TEX14: variants seen among roughly 807,000 people sequenced by gnomAD.
TEX14 encodes inactive serine/threonine-protein kinase TEX14.
Under a neutral mutation model 178.6 loss-of-function variants are expected in TEX14, and 168 were observed. That is an observed-to-expected ratio of 0.94 (90% CI 0.83 to 1.07). The LOEUF (loss-of-function observed/expected upper bound fraction) is 1.07. Ranked by LOEUF, TEX14 falls within the 50% of genes least tolerant of loss-of-function variation. The pLI is 0.00. For synonymous variants in TEX14, 626 were observed against 634.1 expected (o/e 0.99, Z 0.19); for missense variants, 1,730 against 1,753.6 (o/e 0.99, Z 0.24).
chr17:58,557,962 A>G (rs570064013), intron 30 of TEX14, 112 bp from the exon 31 acceptor site: 224 of 725,354 alleles, frequency 3.1e-4, no homozygotes, highest in Non-Finnish European at 4.2e-4. Flanking sequence ...TTTTACCTAC[A>G]ATGGTTGTTA....
intron 4 of TEX14, 67 bp from the exon 5 acceptor site, chr17:58,621,853 T>G: frequency 6.6e-7 from 1 of 1,521,640 alleles, no homozygotes; most frequent in Non-Finnish European, 8.9e-7. Flanking sequence ...AGCTTGGGTA[T>G]GAAGATAAGT....
Position 58,621,656 on chromosome 17 carries a change from A to C in TEX14, c.548T>G (p.Val183Gly), listed in dbSNP as rs766160604. Residue 183 changes from valine (V) to glycine (G), a missense_variant, in exon 5 of 32, where the codon GTG becomes GGG. Val to Gly is a moderately radical substitution (Grantham distance 109). Coordinates refer to ENST00000349033, the MANE Select transcript of TEX14 (RefSeq NM_031272.5). ...VYSPSWCGGL[V>G]QGNPNGSPNR... is the part of the protein sequence containing the mutation. ...TGCTCAAGGCAGTACTCACCCCTGC[A>C]CGAGGCCCCCACACCAGGACGGGCT... 1 of 1,613,520 alleles carries C rather than the reference A, an allele frequency of 6.2e-7. No individual in the cohort carries two copies. Among genetic ancestry groups the C allele is most frequent in the East Asian group, 2.2e-5 (1 of 44,866 alleles).
At chr17:58,635,422 T>TTC (rs890468210) in intron 2 of TEX14, among the ~76,000 whole-genome samples, 1 of 149,082 alleles carries the variant, frequency 6.7e-6, no homozygotes, top group African/African-American at 2.5e-5. Context: ...CTCCAAGGGC[T>TTC]TCTCTCTTTT....
chr17:58,574,675 CAAAAAAAAAAA>C (rs1177255314), intron 21 of TEX14, among the ~76,000 whole-genome samples: 17 of 43,886 alleles, frequency 3.9e-4, no homozygotes, highest in African/African-American at 5.2e-4. Context: ...ACTCCATCTC[CAAAAAAAAAAA>C]AAAAAAAAAA....
At chr17:58,598,372 G>C (rs149001012) in intron 14 of TEX14, among the ~76,000 whole-genome samples, 1 of 151,564 alleles carries the variant, frequency 6.6e-6, no homozygotes, top group African/African-American at 2.4e-5. Flanking sequence ...CTCTATAGCT[G>C]TTTGTTGAAT....
rs747248400 is a variant in TEX14 at position 58,599,436 on chromosome 17, C to T, written c.1909G>A (p.Glu637Lys). Residue 637 changes from glutamate to lysine, a missense_variant, in exon 14 of 32, where the codon GAA becomes AAA. By Grantham distance (56) the Glu-to-Lys change is moderately conservative (BLOSUM62 1). This residue lies in a region of TEX14 where 941 missense variants were observed against 1,072.4 expected (regional missense o/e 0.88). Coordinates refer to ENST00000349033, the MANE Select transcript of TEX14 (RefSeq NM_031272.5). ...GATGAAGCAGCTCCTGGAGGCTCTT[C>T]TATGTCATCTTCCAAAATCAAGCAG... ...SGCLILEDDI[E>K]EPPGAASSLE... The T allele has an allele frequency of 1.9e-6, 3 of 1,614,178 alleles. No individual in the cohort carries two copies. The highest frequency in any genetic ancestry group is 2.5e-6 in the Non-Finnish European group (3 of 1,180,026).
intron 2 of TEX14, chr17:58,631,654 C>T (rs1025003605): frequency 7.3e-5 from 11 of 151,700 alleles, no homozygotes; most frequent in Admixed American, 1.3e-4. Context: ...ACTCAGACTG[C>T]CTTCTCTAGA....
intron 13 of TEX14, among the ~76,000 whole-genome samples, chr17:58,600,502 A>G (rs1005242157): frequency 1.3e-5 from 2 of 151,668 alleles, no homozygotes; most frequent in Non-Finnish European, 2.9e-5. Flanking sequence ...CAGAGGTTGC[A>G]GTAAACCGAG....
chr17:58,590,534 TTTG>T (rs76273680), intron 15 of TEX14, among the ~76,000 whole-genome samples: 5,600 of 149,400 alleles, frequency 0.037, 131 homozygotes, highest in African/African-American at 0.076. Flanking sequence ...TCCAACTATT[TTTG>T]TTGTTGTTGT....
At chr17:58,667,027 T>C (rs1189713840) in intron 1 of TEX14, among the ~76,000 whole-genome samples, 6 of 152,242 alleles carry the variant, frequency 3.9e-5, no homozygotes, top group African/African-American at 1.2e-4. Context: ...AAGTGACGTC[T>C]GTCAGGCCAT....
At chr17:58,611,613 G>A (rs1393632750) in intron 9 of TEX14, among the ~76,000 whole-genome samples, 1 of 152,216 alleles carries the variant, frequency 6.6e-6, no homozygotes, top group African/African-American at 2.4e-5. Flanking sequence ...TCTGGTATGT[G>A]CATCCAGGAT....
chr17:58,632,162 C>G (rs746138663), intron 2 of TEX14, among the ~76,000 whole-genome samples: 1 of 152,248 alleles, frequency 6.6e-6, no homozygotes, highest in African/African-American at 2.4e-5. Flanking sequence ...GGAAACTGCC[C>G]GGTTTGGACT....
At chr17:58,572,326 C>T (rs1161986536) in intron 23 of TEX14, among the ~76,000 whole-genome samples, 200 bp from the exon 24 acceptor site, 1 of 151,932 alleles carries the variant, frequency 6.6e-6, no homozygotes, top group Non-Finnish European at 1.5e-5. Flanking sequence ...AAGGATTTTC[C>T]AAATTGTTAA....
At chr17:58,581,232 AC>A (rs1465508089) in intron 19 of TEX14, among the ~76,000 whole-genome samples, 1 of 151,374 alleles carries the variant, frequency 6.6e-6, no homozygotes, top group Non-Finnish European at 1.5e-5. Context: ...AATCGCTTGA[AC>A]CCGGGAGGCA....
intron 15 of TEX14, among the ~76,000 whole-genome samples, chr17:58,590,534 TTTGTTGTTGTTGTTGTTG>T (rs76273680): frequency 1.3e-5 from 2 of 149,328 alleles, no homozygotes; most frequent in Non-Finnish European, 1.5e-5. Flanking sequence ...TCCAACTATT[TTTGTTGTTGTTGTTGTTG>T]TTGTTGTTGT....
At chr17:58,624,035 G>A (rs2046071498) in intron 3 of TEX14, among the ~76,000 whole-genome samples, 1 of 152,168 alleles carries the variant, frequency 6.6e-6, no homozygotes, top group Admixed American at 6.5e-5. Context: ...TGTAATCCCA[G>A]CACTTTGGGA....
chr17:58,662,108 T>C (rs1020191783), intron 1 of TEX14, among the ~76,000 whole-genome samples: 11 of 151,582 alleles, frequency 7.3e-5, no homozygotes, highest in Non-Finnish European at 1.0e-4. Flanking sequence ...TAAAAAGTAC[T>C]GGGATTACAG....
chr17:58,586,996 C>A (rs1225407534), intron 17 of TEX14, among the ~76,000 whole-genome samples: 1 of 152,168 alleles, frequency 6.6e-6, no homozygotes, highest in Non-Finnish European at 1.5e-5. Context: ...TAGGTTCCAG[C>A]CACCTGTGAC....
chr17:58,596,760 G>A (rs1295769375), intron 14 of TEX14, among the ~76,000 whole-genome samples: 1 of 151,774 alleles, frequency 6.6e-6, no homozygotes, highest in Non-Finnish European at 1.5e-5. Flanking sequence ...TACCAGCCGG[G>A]CGTGCTGAGA....
Sources: gnomAD v4.1 joint callset for allele counts (sites outside exome capture counted in the v4.1 genomes callset) on GRCh38, gnomAD v4.1.1 for gene constraint, gnomAD v4.1.1 regional missense constraint, MANE v1.5 for transcripts, NCBI Gene and HGNC (gene_info 2026-07-23, HGNC 2026-07-21) for gene names.